Variants in RASAL1 observed in about 807,000 individuals in gnomAD.
RASAL1 encodes RAS protein activator like 1, also known as rasGAP-activating-like protein 1.
In RASAL1, 72 loss-of-function variants were observed where a neutral mutation model predicts 96.6. That is an observed-to-expected ratio of 0.75 (90% CI 0.62 to 0.91). RASAL1 has a LOEUF of 0.91. Ranked by LOEUF, RASAL1 falls within the 40% of genes least tolerant of loss-of-function variation. RASAL1 has a pLI of 0.00. For missense variants in RASAL1, 1,016 were observed against 1,072.5 expected (o/e 0.95, Z 0.74); for synonymous variants, 405 against 430.4 (o/e 0.94, Z 0.73).
At position 113,112,229 on chromosome 12, in the gene RASAL1, T is replaced by A; in HGVS notation, c.1231A>T (p.Ser411Cys). 1 of 1,267,408 alleles carries A rather than the reference T, an allele frequency of 7.9e-7. No homozygotes were observed. Among genetic ancestry groups the A allele is most frequent in the Non-Finnish European group, 1.0e-6 (1 of 997,980 alleles). The allele number at this position is 1,267,408 out of a possible 1,614,324, so 78.5% of individuals were successfully genotyped here. A position where few individuals can be genotyped will look rare whatever the true frequency, so the allele number is the denominator to read the frequency against. ...ALSEEQMRET[S>C]LGLLTGYLGP... is the part of the protein sequence containing the mutation. The stretch of plus-strand genomic sequence containing the variant: ...AGGTAGCCCGTCAGCAGCCCCAGGC[T>A]GGTCTCCCGCATCTGCTCCTCCGAG... The change falls in exon 13 of 21, where the codon AGC becomes TGC. Residue 411 changes from serine (S) to cysteine (C), a missense_variant. By Grantham distance (112) the Ser-to-Cys change is moderately radical. Transcript: ENST00000548055.
At chr12:113,134,794 T>C (rs993649309) in intron 1 of RASAL1, among the ~76,000 whole-genome samples, 6 of 151,950 alleles carry the variant, frequency 3.9e-5, no homozygotes, top group Non-Finnish European at 5.9e-5. Context: ...CAGCAAGGAA[T>C]TGGCTCTTCA....
Position 113,105,769 on chromosome 12 carries a change from C to A in RASAL1, c.1775G>T (p.Arg592Leu), listed in dbSNP as rs367924897. Residue 592 changes from arginine to leucine, a missense_variant, in exon 16 of 21, where the codon CGC becomes CTC. Transcript: ENST00000548055. Reference sequence around the variant, plus strand: ...GGTCTCCCCGCTGAGCCAGACGTAGCGCTTCTTGAAGGCAAAGCGCGTGGC... The same window carrying A: ...GGTCTCCCCGCTGAGCCAGACGTAGAGCTTCTTGAAGGCAAAGCGCGTGGC... ...GLATRFAFKK[R>L]YVWLSGETLS... The A allele has an allele frequency of 6.2e-7, 1 of 1,614,096 alleles. No individual in the cohort carries two copies. Among genetic ancestry groups the A allele is most frequent in the East Asian group, 2.2e-5 (1 of 44,882 alleles).
At chr12:113,104,604 C>T (rs1399070747) in intron 16 of RASAL1, among the ~76,000 whole-genome samples, 2 of 152,208 alleles carry the variant, frequency 1.3e-5, no homozygotes, top group African/African-American at 2.4e-5. Context: ...CAGGTTCAAG[C>T]GATTCTCCTG....
intron 4 of RASAL1, among the ~76,000 whole-genome samples, chr12:113,123,624 C>T (rs1592944821): frequency 6.6e-6 from 1 of 152,202 alleles, no homozygotes; most frequent in African/African-American, 2.4e-5. Flanking sequence ...CACTCTGTCA[C>T]CCAGGCTGGA....
At chr12:113,133,922 C>T (rs1418416261) in intron 1 of RASAL1, among the ~76,000 whole-genome samples, 1 of 152,220 alleles carries the variant, frequency 6.6e-6, no homozygotes, top group African/African-American at 2.4e-5. Flanking sequence ...AGCAGGTTAC[C>T]GTAAGCCAGT....
rs545419724 is a variant in RASAL1 at position 113,114,651 on chromosome 12, T to C, written c.1181+149A>G. On this transcript the variant is annotated intron_variant, in intron 12 of 20. Coordinates refer to ENST00000548055, the MANE Select transcript of RASAL1 (RefSeq NM_001301202.2). ...TACACAGCCTGATGGTTTAAGGGCT[T>C]GTGTGTGAGGCTTTCAGCTCAGCCA... 9 of 689,896 alleles carry C rather than the reference T, an allele frequency of 1.3e-5. No individual in the cohort carries two copies. The African/African-American group carries it at 1.6e-4, about 12-fold the overall frequency. 42.7% of individuals were successfully genotyped at this position (689,896 alleles called of 1,614,324 possible). A position where few individuals can be genotyped will look rare whatever the true frequency, so the allele number is the denominator to read the frequency against.
rs1427466116 is a variant in RASAL1, at chr12:113,108,241, G to A, written c.1375-19C>T. The stretch of plus-strand genomic sequence containing the variant: ...TCACATCCTGCTGGGAGGAGCAGAA[G>A]GTAAGAGGAGCCCCCCAAACCCACT... On this transcript the variant is annotated intron_variant, in intron 13 of 20. Coordinates refer to ENST00000548055, the MANE Select transcript of RASAL1 (RefSeq NM_001301202.2). The A allele has an allele frequency of 9.4e-6, 15 of 1,602,880 alleles. No homozygotes were observed. The highest frequency in any genetic ancestry group is 1.2e-5 in the Non-Finnish European group (14 of 1,175,558).
chr12:113,104,032 G>C lies in RASAL1; in HGVS notation c.2018C>G (p.Ala673Gly), dbSNP rs1274187327. 2 of 1,575,662 alleles carry C rather than the reference G, an allele frequency of 1.3e-6. No homozygotes were observed. The part of the protein sequence containing the change: ...QWLSALRKAS[A>G]PNPNKLAACH... ...GGCGGCCAGCTTGTTCGGGTTGGGG[G>C]CGCTGGCCTTGCGCAAGGCCGAGAG... Residue 673 changes from alanine to glycine, a missense_variant, in exon 18 of 21, where the codon GCC becomes GGC. Physicochemically the swap from Ala to Gly is moderately conservative, Grantham distance 60. Transcript: ENST00000548055.
chr12:113,105,958 GC>G, intron 15 of RASAL1, 72 bp from the exon 16 acceptor site: 1 of 1,469,882 alleles, frequency 6.8e-7, no homozygotes, highest in Non-Finnish European at 9.3e-7. Flanking sequence ...CCACTAGCAT[GC>G]CCAGGGAGGA....
In RASAL1 at chr12:113,121,588, G is replaced by T. The variant is rs1278542984; in HGVS notation, c.349C>A (p.Gln117Lys). 6.2e-7 allele frequency: 1 copy of T among 1,614,172 alleles called. No homozygotes were observed. Among genetic ancestry groups the T allele is most frequent in the Middle Eastern group, 1.6e-4 (1 of 6,062 alleles). Residue 117 changes from glutamine to lysine, a missense_variant, in exon 5 of 21, where the codon CAG becomes AAG. Gln to Lys is a moderately conservative substitution (Grantham distance 53). Coordinates refer to ENST00000548055, the MANE Select transcript of RASAL1 (RefSeq NM_001301202.2). ...TGCACTGACAGGCAGATCTCACCCT[G>T]CACTTCTGCATCTGGGTCCACTCGG... ...LSRVDPDAEV[Q>K]GEICLSVQML...
Position 113,115,252 on chromosome 12 carries a change from G to A in RASAL1, c.1016C>T (p.Thr339Ile), listed in dbSNP as rs759379534. ...REVARTMDPN[T>I]LFRSNSLASK... ...TGCCAGGGAGTTAGAACGGAAGAGG[G>A]TGTTGGGGTCCACTGGGAGGACAGG... The change falls in exon 11 of 21, where the codon ACC becomes ATC. Residue 339 changes from threonine to isoleucine, a missense_variant. By Grantham distance (89) the Thr-to-Ile change is moderately conservative. Coordinates refer to ENST00000548055, the MANE Select transcript of RASAL1 (RefSeq NM_001301202.2). The surrounding 1 kb of genome is among the most constrained non-coding windows in gnomAD (Gnocchi z 4.1). 4 of 1,613,822 alleles carry A rather than the reference G, an allele frequency of 2.5e-6. No individual in the cohort carries two copies. The highest frequency in any genetic ancestry group is 3.4e-6 in the Non-Finnish European group (4 of 1,179,688).
intron 13 of RASAL1, 77 bp downstream of exon 13, chr12:113,112,009 G>A (rs1026741146): frequency 1.3e-5 from 15 of 1,188,952 alleles, no homozygotes; most frequent in African/African-American, 1.6e-5. Flanking sequence ...TCTGGTCACA[G>A]TTCTGTCCTG....
At chr12:113,117,829 G>A (rs1196968683) in intron 7 of RASAL1, among the ~76,000 whole-genome samples, 1 of 152,150 alleles carries the variant, frequency 6.6e-6, no homozygotes, top group African/African-American at 2.4e-5. Flanking sequence ...TGCAGGGGCT[G>A]GCTTTTTCCA....
chr12:113,099,881 G>A lies in RASAL1; in HGVS notation c.*48C>T. On this transcript the variant is annotated 3_prime_UTR_variant, in exon 21 of 21. Coordinates refer to ENST00000548055, the MANE Select transcript of RASAL1 (RefSeq NM_001301202.2). ...CTCCCGGGGCAGGATGCGCTGAAGAGGGCCCCCTGGCTCTTGCTCCTCCTT... is the reference window on the plus strand; with the variant it reads ...CTCCCGGGGCAGGATGCGCTGAAGAAGGCCCCCTGGCTCTTGCTCCTCCTT... 6.3e-7 allele frequency: 1 copy of A among 1,577,908 alleles called. No individual in the cohort carries two copies. The highest frequency in any genetic ancestry group is 1.1e-5 in the South Asian group (1 of 87,562).
intron 1 of RASAL1, among the ~76,000 whole-genome samples, chr12:113,134,153 G>A (rs1277760128): frequency 6.6e-6 from 1 of 152,154 alleles, no homozygotes; most frequent in Admixed American, 6.5e-5. Flanking sequence ...CTGGTGGGGG[G>A]GCTTGTCCAG....
chr12:113,101,434 T>G (rs1003460459), intron 19 of RASAL1, among the ~76,000 whole-genome samples: 1 of 152,058 alleles, frequency 6.6e-6, no homozygotes, highest in African/African-American at 2.4e-5. Context: ...AATAAATAAA[T>G]TTTTTTAAAA....
In RASAL1 at chr12:113,106,479, G is replaced by A. The variant is rs1950650717; in HGVS notation, c.1658-593C>T. Among the ~76,000 whole-genome samples, 3 of 152,298 alleles carry A rather than the reference G, an allele frequency of 2.0e-5. No homozygotes were observed. In the South Asian group the frequency reaches 6.2e-4, roughly 32 times the overall value. On this transcript the variant is annotated intron_variant, in intron 15 of 20. Coordinates refer to ENST00000548055, the MANE Select transcript of RASAL1 (RefSeq NM_001301202.2). ...CTGGCCCCCTCACCTCTCTGGCCTTGCCTCTTTGCCTCCCCACTGCCCCCA... is the reference window on the plus strand; with the variant it reads ...CTGGCCCCCTCACCTCTCTGGCCTTACCTCTTTGCCTCCCCACTGCCCCCA...
chr12:113,113,987 C>G (rs1950966313), intron 12 of RASAL1, among the ~76,000 whole-genome samples: 1 of 152,156 alleles, frequency 6.6e-6, no homozygotes, highest in Non-Finnish European at 1.5e-5. Flanking sequence ...TGTCGAGGAG[C>G]CCCAGCAGCA....
At position 113,116,052 on chromosome 12, in the gene RASAL1, C is replaced by A; in HGVS notation, c.732-1G>T. ...CACTCGCAGGGCACCCAGGTTCCCC[C>A]TGTCCAGGATCAGATCATAAGAAAA... is the stretch of plus-strand genomic sequence containing the variant. On this transcript the variant is annotated splice_acceptor_variant, in intron 8 of 20. Transcript: ENST00000548055. LOFTEE classifies it high-confidence loss of function. The A allele has an allele frequency of 6.3e-7, 1 of 1,578,074 alleles. No homozygotes were observed.
Sources: allele counts gnomAD v4.1 joint callset (sites outside exome capture counted in the v4.1 genomes callset), GRCh38; gene constraint gnomAD v4.1.1; non-coding constraint Gnocchi (gnomAD v3.1); transcripts MANE v1.5; gene names NCBI Gene and HGNC (gene_info 2026-07-23, HGNC 2026-07-21).